The following MAVS variants were observed in gnomAD, a reference collection of about 807,000 sequenced individuals.
The protein encoded by MAVS is mitochondrial antiviral-signaling protein.
A neutral mutation model predicts 30.2 loss-of-function variants in MAVS; 20 were observed. That is an observed-to-expected ratio of 0.66 (90% CI 0.47 to 0.96). The LOEUF (loss-of-function observed/expected upper bound fraction) is 0.96, where lower values mean the gene tolerates loss of function less well. Ranked by LOEUF, MAVS falls within the 40% of genes least tolerant of loss-of-function variation. The pLI is 0.00. For synonymous variants in MAVS, 278 were observed against 293.9 expected (o/e 0.95, Z 0.55); for missense variants, 624 against 701.1 (o/e 0.89, Z 1.24).
intron 2 of MAVS, among the ~76,000 whole-genome samples, chr20:3,856,353 ATTTTTTTTT>A (rs56232181): frequency 1.1e-3 from 112 of 101,422 alleles, no homozygotes; most frequent in African/African-American, 4.5e-3. Context: ...TGCGCCCAGC[ATTTTTTTTT>A]TTTTTTTTTT....
Position 3,873,947 on chromosome 20 carries a change from A to G in MAVS, c.*7800A>G. The G allele has an allele frequency of 2.5e-6, 1 of 396,470 alleles. No individual in the cohort carries two copies. Among genetic ancestry groups the G allele is most frequent in the African/African-American group, 2.1e-5 (1 of 48,676 alleles). 24.6% of individuals were successfully genotyped at this position (396,470 alleles called of 1,614,324 possible). ...CACAGAAAGCTATGTCCACCGAGAC[A>G]TTGGCAAGAATGTTTCTAACCACAC... On this transcript the variant is annotated 3_prime_UTR_variant, in exon 7 of 7. Coordinates refer to ENST00000428216, the MANE Select transcript of MAVS (RefSeq NM_020746.5).
rs71195864 is a variant in MAVS at position 3,850,274 on chromosome 20, CAAAAAAAAA to C, written c.-68+3388_-68+3396del. On this transcript the variant is annotated intron_variant, in intron 1 of 6. Transcript: ENST00000428216. ...CCTGGGTGAAGGAGCGAGACTGTCT[CAAAAAAAAA>C]AAAAAAAAAAAAAAAAGAAATTTTT... 2.9e-4 allele frequency among the ~76,000 whole-genome samples: 13 copies of C among 44,456 alleles called. 1 individual carries two copies. The South Asian group carries it at 9.5e-3, about 32-fold the overall frequency. The allele number at this position is 44,456 out of a possible 152,430, so 29.2% of individuals were successfully genotyped here. A position where few individuals can be genotyped will look rare whatever the true frequency, so the allele number is the denominator to read the frequency against.
intron 5 of MAVS, 71 bp from the exon 6 acceptor site, chr20:3,864,185 G>A: frequency 6.7e-7 from 1 of 1,499,478 alleles, no homozygotes; most frequent in East Asian, 2.3e-5. Context: ...CTGGGCCAGA[G>A]GGACCCTTCT....
chr20:3,868,986 C>G lies in MAVS; in HGVS notation c.*2839C>G, dbSNP rs2089931851. 6.6e-6 allele frequency: 1 copy of G among 152,272 alleles called. No individual in the cohort carries two copies. Among genetic ancestry groups the G allele is most frequent in the African/African-American group, 2.4e-5 (1 of 41,416 alleles). The allele number at this position is 152,272 out of a possible 1,614,324, so 9.4% of individuals were successfully genotyped here. A position where few individuals can be genotyped will look rare whatever the true frequency, so the allele number is the denominator to read the frequency against. Reference sequence around the variant, plus strand: ...TGAGGGACCTTCCCAGTCCCCTAGCCCCGCCTCCCATCCTCCCATCTTTTT... The same window carrying G: ...TGAGGGACCTTCCCAGTCCCCTAGCGCCGCCTCCCATCCTCCCATCTTTTT... On this transcript the variant is annotated 3_prime_UTR_variant, in exon 7 of 7. Transcript: ENST00000428216.
At chr20:3,858,015 AG>A (rs2089828199) in intron 3 of MAVS, 1 of 620,520 alleles carries the variant, frequency 1.6e-6, no homozygotes. Context: ...CCTGAGCCTC[AG>A]GCCTCTCTTC....
chr20:3,864,855 C>T, intron 6 of MAVS, 67 bp downstream of exon 6: 1 of 1,562,932 alleles, frequency 6.4e-7, no homozygotes. Flanking sequence ...CCACCTGGCC[C>T]TGGCCTTGGC....
Position 3,868,351 on chromosome 20 carries a change from T to G in MAVS, c.*2204T>G, listed in dbSNP as rs1468761349. ...AAAAAAGTATCTCAAAAAGGCAACATGGGCCGAGCGCAGTGGCTCACGCCT... is the reference window on the plus strand; with the variant it reads ...AAAAAAGTATCTCAAAAAGGCAACAGGGGCCGAGCGCAGTGGCTCACGCCT... On this transcript the variant is annotated 3_prime_UTR_variant, in exon 7 of 7. Coordinates refer to ENST00000428216, the MANE Select transcript of MAVS (RefSeq NM_020746.5). The G allele has an allele frequency of 6.6e-6, 1 of 152,324 alleles. No individual in the cohort carries two copies. The highest frequency in any genetic ancestry group is 1.5e-5 in the Non-Finnish European group (1 of 68,058). 9.4% of individuals were successfully genotyped at this position (152,324 alleles called of 1,614,324 possible). A position where few individuals can be genotyped will look rare whatever the true frequency, so the allele number is the denominator to read the frequency against.
rs542602731 is a variant in MAVS, at chr20:3,873,273, C to T, written c.*7126C>T. ...TGGGGCTGGGTATGGTGGCTCATGA[C>T]TGTAATCCCAGCACTTTGGGATGCT... On this transcript the variant is annotated 3_prime_UTR_variant, in exon 7 of 7. Transcript: ENST00000428216. 6.6e-6 allele frequency: 1 copy of T among 152,206 alleles called. No individual in the cohort carries two copies. Among genetic ancestry groups the T allele is most frequent in the African/African-American group, 2.4e-5 (1 of 41,514 alleles). 9.4% of individuals were successfully genotyped at this position (152,206 alleles called of 1,614,324 possible). A position where few individuals can be genotyped will look rare whatever the true frequency, so the allele number is the denominator to read the frequency against.
rs549039183 is a variant in MAVS at position 3,856,345 on chromosome 20, C to T, written c.118-1290C>T. The stretch of plus-strand genomic sequence containing the variant: ...CTGGGATTACAGGCGTGAGCCACTG[C>T]GCCCAGCATTTTTTTTTTTTTTTTT... On this transcript the variant is annotated intron_variant, in intron 2 of 6. Coordinates refer to ENST00000428216, the MANE Select transcript of MAVS (RefSeq NM_020746.5). 2.0e-4 allele frequency among the ~76,000 whole-genome samples: 30 copies of T among 148,306 alleles called. 1 individual carries two copies. Among genetic ancestry groups the T allele is most frequent in the Non-Finnish European group, 3.0e-4 (20 of 67,546 alleles).
intron 3 of MAVS, among the ~76,000 whole-genome samples, chr20:3,859,251 T>G (rs988700039): frequency 1.3e-5 from 2 of 151,282 alleles, no homozygotes; most frequent in Non-Finnish European, 2.9e-5. Context: ...CTCACGCCTG[T>G]AATCCCAGCA....
At chr20:3,848,888 T>C (rs546539090) in intron 1 of MAVS, among the ~76,000 whole-genome samples, 1 of 152,204 alleles carries the variant, frequency 6.6e-6, no homozygotes, top group East Asian at 1.9e-4. Context: ...CCTTATCTCC[T>C]ACACCCTCAA....
chr20:3,847,593 C>A lies in MAVS; in HGVS notation c.-68+690C>A, dbSNP rs183131408. Among the ~76,000 whole-genome samples, 451 of 152,284 alleles carry A rather than the reference C, an allele frequency of 3.0e-3. 3 individuals carry two copies. The highest frequency in any genetic ancestry group is 4.4e-3 in the Non-Finnish European group (300 of 68,012). ...GATTCTCTGTATGGAAGCCGTGAAG[C>A]CTCAAAAATATCTAGGAGGACAGCC... On this transcript the variant is annotated intron_variant, in intron 1 of 6. Coordinates refer to ENST00000428216, the MANE Select transcript of MAVS (RefSeq NM_020746.5).
chr20:3,856,950 C>T (rs190508827), intron 2 of MAVS, among the ~76,000 whole-genome samples: 1 of 150,848 alleles, frequency 6.6e-6, no homozygotes, highest in African/African-American at 2.4e-5. Context: ...GCAGGAGAAT[C>T]GCTTGAACTC....
At chr20:3,856,566 G>A (rs1249839688) in intron 2 of MAVS, among the ~76,000 whole-genome samples, 1 of 151,466 alleles carries the variant, frequency 6.6e-6, no homozygotes, top group Non-Finnish European at 1.5e-5. Context: ...TGGTCAGGCT[G>A]GTCTTGAACT....
rs1476224269 is a variant in MAVS, at chr20:3,867,373, A to G, written c.*1226A>G. ...ATTTACCAAGGGTTGGATATATGTTATTATCACTATTAAGTGTTGAGGGTC... is the reference window on the plus strand; with the variant it reads ...ATTTACCAAGGGTTGGATATATGTTGTTATCACTATTAAGTGTTGAGGGTC... On this transcript the variant is annotated 3_prime_UTR_variant, in exon 7 of 7. Transcript: ENST00000428216. The G allele has an allele frequency of 7.6e-6, 2 of 262,614 alleles. No homozygotes were observed. Among genetic ancestry groups the G allele is most frequent in the Non-Finnish European group, 1.5e-5 (2 of 133,386 alleles). The allele number at this position is 262,614 out of a possible 1,614,324, so 16.3% of individuals were successfully genotyped here. A position where few individuals can be genotyped will look rare whatever the true frequency, so the allele number is the denominator to read the frequency against.
chr20:3,861,743 T>TTGTGTGTG (rs111361032), intron 4 of MAVS, among the ~76,000 whole-genome samples: 11 of 148,888 alleles, frequency 7.4e-5, no homozygotes, highest in Admixed American at 2.0e-4. Flanking sequence ...GACCACAGTT[T>TTGTGTGTG]TGTGTGTGTG....
chr20:3,848,440 A>C (rs1217861197), intron 1 of MAVS, among the ~76,000 whole-genome samples: 2 of 152,038 alleles, frequency 1.3e-5, no homozygotes, highest in African/African-American at 2.4e-5. Context: ...GTTCTTTGCT[A>C]ATTTCTTGAA....
At chr20:3,854,891 C>CTTTTTTT (rs61256246) in intron 2 of MAVS, 150 bp downstream of exon 2, 27 of 304,122 alleles carry the variant, frequency 8.9e-5, no homozygotes, top group South Asian at 1.8e-4. Context: ...TGCTGCTTTT[C>CTTTTTTT]TTTTTTTTTT....
In MAVS at chr20:3,857,778, A is replaced by T. The variant is rs779790751; in HGVS notation, c.261A>T (p.Glu87Asp). 1.2e-6 allele frequency: 2 copies of T among 1,614,200 alleles called. No individual in the cohort carries two copies. The highest frequency in any genetic ancestry group is 1.7e-6 in the Non-Finnish European group (2 of 1,180,020). Residue 87 changes from glutamate to aspartate, a missense_variant, in exon 3 of 7, where the codon GAA becomes GAT. Transcript: ENST00000428216. The part of the protein sequence containing the change: ...RGCELVDLAD[E>D]VASVYQSYQP... ...GTGAGCTAGTTGATCTCGCGGACGA[A>T]GTGGCCTCTGTCTACCAGAGCTACC... is the stretch of plus-strand genomic sequence containing the variant.
Sources: allele counts gnomAD v4.1 joint callset (sites outside exome capture counted in the v4.1 genomes callset), GRCh38; gene constraint gnomAD v4.1.1; transcripts MANE v1.5; gene names NCBI Gene and HGNC (gene_info 2026-07-23, HGNC 2026-07-21).